Variants in GRK5 observed in about 807,000 individuals in gnomAD.
The protein encoded by GRK5 is G protein-coupled receptor kinase 5.
Under a neutral mutation model 78.4 loss-of-function variants are expected in GRK5, and 40 were observed. The observed-to-expected ratio is 0.51, with a 90% CI of 0.40 to 0.66. The LOEUF is 0.66. Ranked by LOEUF, GRK5 falls within the 30% of genes least tolerant of loss-of-function variation. GRK5 has a pLI of 0.00. For synonymous variants in GRK5, 289 were observed against 296.8 expected, an observed-to-expected ratio of 0.97 and a Z score of 0.27; for missense variants, 598 against 759.9, an observed-to-expected ratio of 0.79 and a Z score of 2.50.
In GRK5 at chr10:119,413,089, C is replaced by T. The variant is rs528749715; in HGVS notation, c.340-10077C>T. Among the ~76,000 whole-genome samples, 4 of 152,230 alleles carry T rather than the reference C, an allele frequency of 2.6e-5. 1 individual carries two copies. The South Asian group carries it at 8.3e-4, about 32-fold the overall frequency. ...GCTCAAACAAAGAGGGAATTTACTG[C>T]AGAGATGAGGAGGAGGGCGTTCTCT... On this transcript the variant is annotated intron_variant, in intron 4 of 15. Transcript: ENST00000392870.
At chr10:119,440,135 T>C (rs1109488) in intron 10 of GRK5, among the ~76,000 whole-genome samples, 63,401 of 151,946 alleles carry the variant, frequency 0.42, 14,152 homozygotes, top group Non-Finnish European at 0.47. Context: ...TCTCATCTTG[T>C]TTGTAAAATG....
At chr10:119,359,826 G>C (rs1231548097) in intron 2 of GRK5, among the ~76,000 whole-genome samples, 1 of 152,028 alleles carries the variant, frequency 6.6e-6, no homozygotes, top group African/African-American at 2.4e-5. Context: ...TGATGTTCCC[G>C]GGGGGGAGGT....
chr10:119,280,353 A>G (rs1849742646), intron 1 of GRK5, among the ~76,000 whole-genome samples: 1 of 152,200 alleles, frequency 6.6e-6, no homozygotes, highest in Admixed American at 6.5e-5. Flanking sequence ...TGTTGCCTCA[A>G]GCTCACAAAT....
At chr10:119,268,396 G>A (rs1052391323) in intron 1 of GRK5, among the ~76,000 whole-genome samples, 6 of 152,194 alleles carry the variant, frequency 3.9e-5, no homozygotes, top group African/African-American at 7.2e-5. Context: ...GGGCAGCCCC[G>A]TTGGTTTCAG....
chr10:119,325,884 A>G (rs983601144), intron 1 of GRK5, among the ~76,000 whole-genome samples: 4 of 152,238 alleles, frequency 2.6e-5, no homozygotes, highest in African/African-American at 9.6e-5. Flanking sequence ...GTGCATGTTC[A>G]TCATGTCCAC....
At chr10:119,448,354 G>A (rs1853202420) in intron 13 of GRK5, 94 bp downstream of exon 13, 1 of 1,378,044 alleles carries the variant, frequency 7.3e-7, no homozygotes. Flanking sequence ...TGCAGAGTGT[G>A]GGGCACATCG....
intron 2 of GRK5, among the ~76,000 whole-genome samples, chr10:119,345,995 C>G (rs923480199): frequency 2.6e-5 from 4 of 152,104 alleles, no homozygotes; most frequent in Non-Finnish European, 5.9e-5. Flanking sequence ...CACCCACCCC[C>G]TCCCCCAAGG....
At chr10:119,413,486 A>G (rs962423488) in intron 4 of GRK5, among the ~76,000 whole-genome samples, 2 of 151,940 alleles carry the variant, frequency 1.3e-5, no homozygotes, top group Non-Finnish European at 2.9e-5. Flanking sequence ...CAGTTCATTC[A>G]GCAAAGCAGA....
At chr10:119,388,885 C>A (rs967012730) in intron 3 of GRK5, among the ~76,000 whole-genome samples, 4 of 152,184 alleles carry the variant, frequency 2.6e-5, no homozygotes, top group African/African-American at 9.7e-5. Flanking sequence ...CAGGAGGGAG[C>A]CTCTCCATGG....
At chr10:119,268,442 T>G (rs1849535459) in intron 1 of GRK5, among the ~76,000 whole-genome samples, 1 of 152,182 alleles carries the variant, frequency 6.6e-6, no homozygotes, top group South Asian at 2.1e-4. Context: ...TGCCACAGTT[T>G]GCGCCAGTCC....
chr10:119,246,154 C>G (rs1220096798), intron 1 of GRK5, among the ~76,000 whole-genome samples: 2 of 151,644 alleles, frequency 1.3e-5, no homozygotes, highest in African/African-American at 4.8e-5. Context: ...GGTTCCAGGT[C>G]CCCCCTTATA....
intron 9 of GRK5, among the ~76,000 whole-genome samples, chr10:119,439,506 T>C (rs993688836): frequency 6.6e-6 from 1 of 152,218 alleles, no homozygotes; most frequent in Non-Finnish European, 1.5e-5. Flanking sequence ...CCCTCCAGGA[T>C]TGGGAAATGC....
chr10:119,382,253 C>T (rs865914801), intron 3 of GRK5, among the ~76,000 whole-genome samples: 1 of 89,742 alleles, frequency 1.1e-5, no homozygotes, highest in African/African-American at 3.2e-5. Flanking sequence ...CCTTGGGCTT[C>T]GGGCAGGCTC....
intron 1 of GRK5, among the ~76,000 whole-genome samples, chr10:119,312,345 C>G (rs962044509): frequency 1.3e-5 from 2 of 152,178 alleles, no homozygotes; most frequent in Admixed American, 1.3e-4. Flanking sequence ...GGAGGCCAAA[C>G]CTGTTAACCC....
At chr10:119,305,492 G>C (rs1314118365) in intron 1 of GRK5, among the ~76,000 whole-genome samples, 2 of 152,224 alleles carry the variant, frequency 1.3e-5, no homozygotes, top group Non-Finnish European at 2.9e-5. Flanking sequence ...AAAGGCATAA[G>C]TGAAAATTTG....
chr10:119,233,967 G>A (rs937490056), intron 1 of GRK5, among the ~76,000 whole-genome samples: 2 of 152,192 alleles, frequency 1.3e-5, no homozygotes, highest in African/African-American at 4.8e-5. Context: ...GAGTCCGGAA[G>A]TGGATTCTGT....
intron 1 of GRK5, among the ~76,000 whole-genome samples, chr10:119,268,553 C>G (rs1849536720): frequency 6.6e-6 from 1 of 152,198 alleles, no homozygotes; most frequent in Non-Finnish European, 1.5e-5. Flanking sequence ...CTTTGAGATT[C>G]AATTAGGATG....
intron 3 of GRK5, among the ~76,000 whole-genome samples, chr10:119,384,625 C>A (rs150601915): frequency 1.3e-5 from 2 of 152,342 alleles, no homozygotes; most frequent in East Asian, 3.9e-4. Flanking sequence ...TAGCCAGAGC[C>A]TCTTTGTGGC....
intron 1 of GRK5, among the ~76,000 whole-genome samples, chr10:119,261,070 G>T (rs1589708112): frequency 4.0e-5 from 1 of 24,736 alleles, no homozygotes; most frequent in Non-Finnish European, 8.3e-5. Flanking sequence ...CGGGGCGGCT[G>T]GCCGGGCGGA....
Sources: gnomAD v4.1 joint callset for allele counts (sites outside exome capture counted in the v4.1 genomes callset) on GRCh38, gnomAD v4.1.1 for gene constraint, MANE v1.5 for transcripts, NCBI Gene and HGNC (gene_info 2026-07-23, HGNC 2026-07-21) for gene names.